RNF6: variants seen among roughly 807,000 people sequenced by gnomAD.
The protein encoded by RNF6 is ring finger protein 6.
In RNF6, 21 loss-of-function variants were observed where a neutral mutation model predicts 50.1. The observed-to-expected ratio is 0.42, with a 90% CI of 0.30 to 0.60. RNF6 has a LOEUF of 0.60. Ranked by LOEUF, RNF6 falls within the 20% of genes least tolerant of loss-of-function variation. RNF6 has a pLI of 0.20. For missense variants in RNF6, 698 were observed against 838.2 expected (o/e 0.83, Z 2.07); for synonymous variants, 255 against 291.8 (o/e 0.87, Z 1.29).
chr13:26,163,706 A>G (rs930900254), intron 5 of RNF6, among the ~76,000 whole-genome samples: 1 of 152,148 alleles, frequency 6.6e-6, no homozygotes, highest in Non-Finnish European at 1.5e-5. Flanking sequence ...TCCCTCCTGC[A>G]TCTAAATCTC....
At chr13:26,155,878 G>T (rs549346108) in intron 5 of RNF6, among the ~76,000 whole-genome samples, 9 of 152,202 alleles carry the variant, frequency 5.9e-5, no homozygotes, top group Non-Finnish European at 1.2e-4. Flanking sequence ...CAGGGCAGAA[G>T]GAGTCTTAAA....
intron 5 of RNF6, among the ~76,000 whole-genome samples, chr13:26,200,587 G>A (rs892979392): frequency 6.6e-6 from 1 of 152,190 alleles, no homozygotes; most frequent in East Asian, 1.9e-4. Context: ...TGTATTTTTA[G>A]TAGAGACAAG....
At chr13:26,146,816 T>A (rs1871272649) in intron 5 of RNF6, among the ~76,000 whole-genome samples, 1 of 152,164 alleles carries the variant, frequency 6.6e-6, no homozygotes, top group Non-Finnish European at 1.5e-5. Context: ...CACCCAAATC[T>A]CATGTCGAAT....
Position 26,189,827 on chromosome 13 carries a change from A to G in RNF6, n.768+25647T>C, listed in dbSNP as rs561431991. 6.6e-5 allele frequency among the ~76,000 whole-genome samples: 10 copies of G among 152,250 alleles called. No individual in the cohort carries two copies. The South Asian group carries it at 1.9e-3, about 28-fold the overall frequency. ...GCTGTAACCACTTCTGTGTTTAATA[A>G]CCCTTACTGTTGGAATTGTTTTCCT... On this transcript the variant is annotated intron_variant and non_coding_transcript_variant, in intron 5 of 5. Transcript: ENST00000468480.
At chr13:26,201,350 G>C (rs1868891231) in intron 5 of RNF6, among the ~76,000 whole-genome samples, 2 of 152,204 alleles carry the variant, frequency 1.3e-5, no homozygotes, top group African/African-American at 4.8e-5. Context: ...TTGTACACTA[G>C]TGAAGACTAT....
chr13:26,167,678 G>A (rs998577755), intron 5 of RNF6, among the ~76,000 whole-genome samples: 1 of 152,174 alleles, frequency 6.6e-6, no homozygotes, highest in South Asian at 2.1e-4. Context: ...ACTACTATTT[G>A]ACCCAGCGAT....
At chr13:26,189,232 G>T (rs1326832822) in intron 5 of RNF6, among the ~76,000 whole-genome samples, 1 of 152,082 alleles carries the variant, frequency 6.6e-6, no homozygotes, top group Non-Finnish European at 1.5e-5. Flanking sequence ...GAAGGCTGAG[G>T]CAGGAGAATC....
chr13:26,146,978 A>G (rs879709237), intron 5 of RNF6, among the ~76,000 whole-genome samples: 2 of 152,138 alleles, frequency 1.3e-5, no homozygotes, highest in Non-Finnish European at 2.9e-5. Context: ...CTTACCAGCC[A>G]TGATTCTTGT....
At chr13:26,142,556 A>G (rs1871014729) in intron 5 of RNF6, among the ~76,000 whole-genome samples, 2 of 152,202 alleles carry the variant, frequency 1.3e-5, no homozygotes, top group Non-Finnish European at 2.9e-5. Context: ...AAAGAATGAA[A>G]TCATGTCCTT....
At chr13:26,161,839 T>C (rs7337724) in intron 5 of RNF6, among the ~76,000 whole-genome samples, 9,249 of 152,212 alleles carry the variant, frequency 0.061, 371 homozygotes, top group African/African-American at 0.11. Flanking sequence ...GAAAATCCCA[T>C]TGTGTCTTCT....
intron 5 of RNF6, among the ~76,000 whole-genome samples, chr13:26,188,662 GTC>G (rs988732029): frequency 8.4e-5 from 7 of 83,570 alleles, no homozygotes; most frequent in African/African-American, 5.0e-4. Context: ...TTGAGATGAA[GTC>G]TCACTCTGTT....
chr13:26,150,653 A>G (rs1871541315), intron 5 of RNF6, among the ~76,000 whole-genome samples: 1 of 152,170 alleles, frequency 6.6e-6, no homozygotes, highest in Non-Finnish European at 1.5e-5. Flanking sequence ...CTTAAAATTT[A>G]AAACCTCAAA....
chr13:26,185,439 A>AT (rs202198947), intron 5 of RNF6, among the ~76,000 whole-genome samples: 7,427 of 152,004 alleles, frequency 0.049, 214 homozygotes, highest in Middle Eastern at 0.068. Flanking sequence ...TTTGAAGTGC[A>AT]TTTTTTTTAA....
chr13:26,136,397 T>A (rs550062748), intron 5 of RNF6, among the ~76,000 whole-genome samples: 22 of 152,318 alleles, frequency 1.4e-4, no homozygotes, highest in African/African-American at 5.1e-4. Flanking sequence ...TGAGAGTACA[T>A]CTTCCAGAAC....
intron 5 of RNF6, among the ~76,000 whole-genome samples, chr13:26,184,892 A>G (rs769753668): frequency 4.6e-5 from 7 of 152,222 alleles, no homozygotes; most frequent in Non-Finnish European, 7.3e-5. Flanking sequence ...CTCCACCAGT[A>G]GAGGGCAGCC....
intron 5 of RNF6, among the ~76,000 whole-genome samples, chr13:26,176,521 C>T (rs1394716147): frequency 1.3e-5 from 2 of 152,226 alleles, no homozygotes; most frequent in Non-Finnish European, 2.9e-5. Flanking sequence ...ATGTTGACAT[C>T]CTGACCCCTA....
At chr13:26,205,607 A>T (rs1255291973) in intron 5 of RNF6, among the ~76,000 whole-genome samples, 1 of 152,244 alleles carries the variant, frequency 6.6e-6, no homozygotes, top group Non-Finnish European at 1.5e-5. Context: ...TAATATATTG[A>T]ATAGGAAGGT....
chr13:26,219,802 G>C, intron 2 of RNF6, 135 bp from the exon 3 acceptor site: 6 of 697,228 alleles, frequency 8.6e-6, no homozygotes, highest in Non-Finnish European at 1.4e-5. Context: ...AAATCTTGCA[G>C]TGAGAAGCTT....
chr13:26,175,566 G>A (rs1368221810), intron 5 of RNF6, among the ~76,000 whole-genome samples: 1 of 152,066 alleles, frequency 6.6e-6, no homozygotes, highest in East Asian at 1.9e-4. Flanking sequence ...CCTGTCTTTG[G>A]CGTCCTGGTT....
Sources: allele counts gnomAD v4.1 joint callset (sites outside exome capture counted in the v4.1 genomes callset), GRCh38; gene constraint gnomAD v4.1.1; transcripts MANE v1.5; gene names NCBI Gene and HGNC (gene_info 2026-07-23, HGNC 2026-07-21).